PLCH1: variants seen among roughly 807,000 people sequenced by gnomAD.
PLCH1 encodes phospholipase C eta 1.
Under a neutral mutation model 126.7 loss-of-function variants are expected in PLCH1, and 60 were observed. That is an observed-to-expected ratio of 0.47 (90% CI 0.38 to 0.59). The LOEUF is 0.59. Among genes scored for constraint, PLCH1 ranks in the 20% least tolerant of loss-of-function variants. The probability of loss-of-function intolerance (pLI) is 0.00; values close to 1 mark genes in which losing one functional copy is unlikely to be tolerated. For synonymous variants in PLCH1, 719 were observed against 734.9 expected, an observed-to-expected ratio of 0.98 and a Z score of 0.35; for missense variants, 1,723 against 2,040.0, an observed-to-expected ratio of 0.84 and a Z score of 2.99.
chr3:155,592,135 T>C (rs1308156913), intron 4 of PLCH1, among the ~76,000 whole-genome samples: 1 of 149,704 alleles, frequency 6.7e-6, no homozygotes, highest in Non-Finnish European at 1.5e-5. Flanking sequence ...TGAGAAGTTG[T>C]CTTTTGGGGG....
intron 2 of PLCH1, among the ~76,000 whole-genome samples, chr3:155,694,952 C>CTTTTTTTT (rs201292066): frequency 1.7e-5 from 2 of 115,242 alleles, no homozygotes; most frequent in East Asian, 2.7e-4. Flanking sequence ...AAAGCTAGTG[C>CTTTTTTTT]TTTTTTTTTT....
intron 12 of PLCH1, among the ~76,000 whole-genome samples, chr3:155,513,575 C>T (rs1719902176): frequency 6.6e-6 from 1 of 152,142 alleles, no homozygotes; most frequent in African/African-American, 2.4e-5. Flanking sequence ...TCTGATCTTA[C>T]AGGCACTTGT....
At chr3:155,677,340 C>T (rs1052529501) in intron 2 of PLCH1, among the ~76,000 whole-genome samples, 1 of 152,216 alleles carries the variant, frequency 6.6e-6, no homozygotes, top group Non-Finnish European at 1.5e-5. Context: ...TCCCAATTTG[C>T]ACATCCCCTG....
Position 155,586,013 on chromosome 3 carries a change from TTAA to T in PLCH1, c.600+49_600+51del, listed in dbSNP as rs374530900. The T allele has an allele frequency of 2.7e-4, 410 of 1,537,388 alleles. 1 individual carries two copies. The East Asian group carries it at 7.5e-3, about 28-fold the overall frequency. ...TAGCTTTTTAATATACCTAAGTATG[TTAA>T]TAACCTCTGTGTATTTTATATAAGG... is the stretch of plus-strand genomic sequence containing the variant. On this transcript the variant is annotated intron_variant, in intron 5 of 22. Coordinates refer to ENST00000460012, the MANE Select transcript of PLCH1 (RefSeq NM_014996.4).
chr3:155,686,331 G>C (rs2109027303), intron 2 of PLCH1, among the ~76,000 whole-genome samples: 1 of 152,258 alleles, frequency 6.6e-6, no homozygotes, highest in South Asian at 2.1e-4. Context: ...CCCCAGCATA[G>C]AATCTAAGTC....
chr3:155,680,323 C>T (rs1213248684), intron 2 of PLCH1, among the ~76,000 whole-genome samples: 1 of 151,936 alleles, frequency 6.6e-6, no homozygotes, highest in African/African-American at 2.4e-5. Flanking sequence ...GCAGAGGTTG[C>T]AGTGAGCCGA....
At chr3:155,611,240 T>C (rs1308024055) in intron 2 of PLCH1, among the ~76,000 whole-genome samples, 1 of 151,836 alleles carries the variant, frequency 6.6e-6, no homozygotes, top group East Asian at 1.9e-4. Context: ...AATACAAAAA[T>C]TAGCCAGGCA....
intron 2 of PLCH1, among the ~76,000 whole-genome samples, chr3:155,611,389 C>T (rs943088745): frequency 2.0e-5 from 3 of 151,226 alleles, no homozygotes; most frequent in Non-Finnish European, 4.4e-5. Flanking sequence ...GACTCCGTCT[C>T]AAAAAAATAA....
chr3:155,649,041 C>T (rs779015525), intron 2 of PLCH1, among the ~76,000 whole-genome samples: 2 of 152,130 alleles, frequency 1.3e-5, no homozygotes, highest in Non-Finnish European at 2.9e-5. Context: ...AAGGAGGTAA[C>T]CTGATGAGGC....
intron 11 of PLCH1, 61 bp downstream of exon 11, chr3:155,523,836 T>G: frequency 1.1e-6 from 1 of 947,718 alleles, no homozygotes; most frequent in Non-Finnish European, 1.7e-6. Context: ...AGTAGCAACT[T>G]GGAACTCCAT....
chr3:155,503,816 G>A (rs1718262376), intron 13 of PLCH1, among the ~76,000 whole-genome samples: 1 of 152,226 alleles, frequency 6.6e-6, no homozygotes, highest in Admixed American at 6.5e-5. Context: ...GGGATTACAG[G>A]TGTGAGCCAC....
At chr3:155,727,163 A>T (rs1423611093) in intron 1 of PLCH1, among the ~76,000 whole-genome samples, 1 of 152,064 alleles carries the variant, frequency 6.6e-6, no homozygotes, top group Non-Finnish European at 1.5e-5. Flanking sequence ...ATAAAAATAA[A>T]AAAATAAAAT....
In PLCH1 at chr3:155,494,533, C is replaced by T. The variant is rs199554852; in HGVS notation, c.1895-16G>A. 1.5e-4 allele frequency: 224 copies of T among 1,486,624 alleles called. 1 individual carries two copies. Among genetic ancestry groups the T allele is most frequent in the African/African-American group, 7.1e-4 (26 of 36,586 alleles). The allele number at this position is 1,486,624 out of a possible 1,614,324, so 92.1% of individuals were successfully genotyped here. On this transcript the variant is annotated splice_polypyrimidine_tract_variant and intron_variant, in intron 15 of 22. Coordinates refer to ENST00000460012, the MANE Select transcript of PLCH1 (RefSeq NM_014996.4). ...CCTGTGGTTCCTGGCAGTTTTTAAT[C>T]GAGAAAAAAGGAAGTGAGAACTACA...
chr3:155,719,081 G>A (rs1747742571), intron 1 of PLCH1, among the ~76,000 whole-genome samples: 1 of 152,022 alleles, frequency 6.6e-6, no homozygotes, highest in Admixed American at 6.6e-5. Context: ...TTCTTTAGTG[G>A]TGATTTCTGA....
chr3:155,625,878 G>A (rs1577178165), intron 2 of PLCH1, among the ~76,000 whole-genome samples: 2 of 152,134 alleles, frequency 1.3e-5, no homozygotes, highest in Admixed American at 1.3e-4. Flanking sequence ...TCCATTACTG[G>A]GTATATACCC....
Position 155,485,534 on chromosome 3 carries a change from C to G in PLCH1, c.2796G>C (p.Val932=), listed in dbSNP as rs918045494. 1 of 1,614,216 alleles carries G rather than the reference C, an allele frequency of 6.2e-7. No homozygotes were observed. The highest frequency in any genetic ancestry group is 8.5e-7 in the Non-Finnish European group (1 of 1,180,032). The stretch of plus-strand genomic sequence containing the variant: ...CCTCGGACACAGAATCCTTTATCTC[C>G]ACCATTTCTTGGAAGCCCATTTTGC... ...KKSKMGFQEM[V]EIKDSVSEAT... is the part of the protein sequence containing the mutation. The change falls in exon 22 of 23, where the codon GTG becomes GTC. Residue 932 remains valine, a synonymous_variant. Coordinates refer to ENST00000460012, the MANE Select transcript of PLCH1 (RefSeq NM_014996.4).
chr3:155,481,850 A>G lies in PLCH1; in HGVS notation c.4176T>C (p.Phe1392=). Residue 1392 remains phenylalanine (F), a synonymous_variant, in exon 23 of 23, where the codon TTT becomes TTC. Coordinates refer to ENST00000460012, the MANE Select transcript of PLCH1 (RefSeq NM_014996.4). The surrounding 1 kb of genome is among the most constrained non-coding windows in gnomAD (Gnocchi z 4.2). The part of the protein sequence containing the change: ...LKYNQGVVEH[F]QRGLRNGYCK... ...AGTAGCCGTTTCTCAAACCTCTTTG[A>G]AAGTGTTCTACCACACCCTGATTGT... 1 of 1,614,166 alleles carries G rather than the reference A, an allele frequency of 6.2e-7. No individual in the cohort carries two copies. Among genetic ancestry groups the G allele is most frequent in the Non-Finnish European group, 8.5e-7 (1 of 1,180,032 alleles).
intron 2 of PLCH1, among the ~76,000 whole-genome samples, chr3:155,609,657 A>G (rs1734795189): frequency 6.6e-6 from 1 of 152,096 alleles, no homozygotes; most frequent in Admixed American, 6.6e-5. Flanking sequence ...AATAAAGGAT[A>G]TGAATGAAAA....
chr3:155,457,850 A>T (rs1455074969), intron 21 of PLCH1: 2 of 152,222 alleles, frequency 1.3e-5, no homozygotes, highest in East Asian at 3.9e-4. Flanking sequence ...ACCCCCATCA[A>T]TGTCACCCTT....
Sources: allele counts gnomAD v4.1 joint callset (sites outside exome capture counted in the v4.1 genomes callset), GRCh38; gene constraint gnomAD v4.1.1; non-coding constraint Gnocchi (gnomAD v3.1); transcripts MANE v1.5; gene names NCBI Gene and HGNC (gene_info 2026-07-23, HGNC 2026-07-21).